Variants in ADAMTSL1 observed in about 807,000 individuals in gnomAD.
The protein encoded by ADAMTSL1 is ADAMTS-like protein 1.
ADAMTSL1 carries 126 observed loss-of-function variants against 201.8 expected under a neutral mutation model. The ratio of observed to expected loss-of-function variants is 0.62; its 90% confidence interval spans 0.54 to 0.72. The LOEUF is 0.72. Ranked by LOEUF, ADAMTSL1 falls within the 30% of genes least tolerant of loss-of-function variation. The pLI is 0.00. For missense variants in ADAMTSL1, 2,679 were observed against 2,277.8 expected, an observed-to-expected ratio of 1.18 and a Z score of -3.59; for synonymous variants, 1,121 against 903.4, an observed-to-expected ratio of 1.24 and a Z score of -4.32.
chr9:18,621,389 T>G (rs555899841), intron 4 of ADAMTSL1, among the ~76,000 whole-genome samples: 1 of 152,172 alleles, frequency 6.6e-6, no homozygotes, highest in Non-Finnish European at 1.5e-5. Context: ...CTAAGTGACC[T>G]TGGGTAAGAC....
intron 2 of ADAMTSL1, among the ~76,000 whole-genome samples, chr9:18,173,557 C>G (rs1306235768): frequency 6.6e-6 from 1 of 152,072 alleles, no homozygotes; most frequent in Admixed American, 6.6e-5. Context: ...CAGCCCCTAT[C>G]TTTTATTTAT....
At chr9:18,469,694 C>T (rs913110521), upstream of ADAMTSL1, among the ~76,000 whole-genome samples, 1 of 152,244 alleles carries the variant, frequency 6.6e-6, no homozygotes, top group African/African-American at 2.4e-5. Flanking sequence ...CCTCTTGACA[C>T]CTGCAAACAT....
In ADAMTSL1 at chr9:18,068,163, C is replaced by G. The variant is rs368375194; in HGVS notation, c.88-95699C>G. ...CAGTAAAGGGCTGGCCCACCCCACC[C>G]TTAGAAATGGACTGTTTATTAAGAT... On this transcript the variant is annotated intron_variant, in intron 1 of 29. Coordinates refer to the ADAMTSL1 transcript ENST00000680146. Among the ~76,000 whole-genome samples the G allele has an allele frequency of 1.6e-3, 243 of 152,206 alleles. 7 individuals are homozygous for G. The South Asian group carries it at 0.05, about 31-fold the overall frequency.
chr9:18,235,374 G>A (rs998932319), intron 2 of ADAMTSL1, among the ~76,000 whole-genome samples: 2 of 152,092 alleles, frequency 1.3e-5, no homozygotes, highest in Non-Finnish European at 2.9e-5. Context: ...CTATCAATAC[G>A]ACTCATCATA....
intron 3 of ADAMTSL1, among the ~76,000 whole-genome samples, chr9:18,534,385 G>A (rs1004322855): frequency 1.3e-5 from 2 of 152,066 alleles, no homozygotes; most frequent in South Asian, 2.1e-4. Flanking sequence ...AGAAGAAGAA[G>A]GAGGAGAACT....
chr9:18,886,077 A>G (rs1828833780), intron 23 of ADAMTSL1, among the ~76,000 whole-genome samples: 1 of 150,930 alleles, frequency 6.6e-6, no homozygotes, highest in African/African-American at 2.4e-5. Flanking sequence ...ACTTGAGGCC[A>G]GGAGTTCAAG....
chr9:18,642,165 G>T (rs1827485526), intron 7 of ADAMTSL1, among the ~76,000 whole-genome samples: 1 of 151,922 alleles, frequency 6.6e-6, no homozygotes, highest in African/African-American at 2.4e-5. Context: ...ATGACTATCT[G>T]GGTCTTCACA....
intron 14 of ADAMTSL1, among the ~76,000 whole-genome samples, chr9:18,711,067 T>C (rs1473355889): frequency 6.6e-6 from 1 of 152,158 alleles, no homozygotes; most frequent in Non-Finnish European, 1.5e-5. Context: ...CAATTCACAG[T>C]GATGATCTAC....
rs865881966 is a variant in ADAMTSL1, at chr9:18,400,481, T to C, written c.208-104348T>C. Among the ~76,000 whole-genome samples the C allele has an allele frequency of 3.3e-5, 5 of 152,348 alleles. No homozygotes were observed. The Middle Eastern group carries it at 0.014, about 415-fold the overall frequency. ...ACTATGTTTCGTTCATAATACGCTC[T>C]AACAGAATACTTGCCATTTATAGTA... On this transcript the variant is annotated intron_variant, in intron 2 of 29. Transcript: ENST00000680146.
intron 2 of ADAMTSL1, among the ~76,000 whole-genome samples, chr9:18,205,778 G>C (rs112124984): frequency 0.019 from 2,908 of 152,124 alleles, 96 homozygotes; most frequent in African/African-American, 0.065. Flanking sequence ...GTACGGCCAG[G>C]CACGGTGGCT....
Position 18,777,767 on chromosome 9 carries a change from G to C in ADAMTSL1, c.3538G>C (p.Glu1180Gln), listed in dbSNP as rs1484985887. The change falls in exon 19 of 29, where the codon GAG (glutamate) becomes CAG (glutamine). Residue 1180 changes from glutamate (E) to glutamine (Q), a missense_variant. Physicochemically the swap from Glu to Gln is conservative, Grantham distance 29. Transcript: ENST00000380548. Reference sequence around the variant, plus strand: ...AGCGGCCCAGCAGCTCTCAGCCTCGGAGGTGGTCACCCACCTGGGGCAGAC... The same window carrying C: ...AGCGGCCCAGCAGCTCTCAGCCTCGCAGGTGGTCACCCACCTGGGGCAGAC... ...ISAAQQLSAS[E>Q]VVTHLGQTVA... The C allele has an allele frequency of 6.2e-7, 1 of 1,613,784 alleles. No individual in the cohort carries two copies. The highest frequency in any genetic ancestry group is 8.5e-7 in the Non-Finnish European group (1 of 1,179,862).
chr9:18,105,698 T>A (rs752926617), intron 1 of ADAMTSL1, among the ~76,000 whole-genome samples: 1 of 152,206 alleles, frequency 6.6e-6, no homozygotes, highest in Non-Finnish European at 1.5e-5. Context: ...GCTGTTTCCA[T>A]GGCGAAGATG....
chr9:18,183,136 A>G (rs1372327393), intron 2 of ADAMTSL1, among the ~76,000 whole-genome samples: 1 of 152,206 alleles, frequency 6.6e-6, no homozygotes, highest in Non-Finnish European at 1.5e-5. Context: ...TGAAGTAAAG[A>G]CAGTCTTTCA....
At chr9:18,647,378 C>G (rs1027632967) in intron 7 of ADAMTSL1, among the ~76,000 whole-genome samples, 1 of 139,530 alleles carries the variant, frequency 7.2e-6, no homozygotes, top group Non-Finnish European at 1.6e-5. Flanking sequence ...TTTTTTTCCC[C>G]CATTTCCTTC....
intron 2 of ADAMTSL1, among the ~76,000 whole-genome samples, chr9:18,171,408 T>C (rs1209580822): frequency 6.6e-6 from 1 of 151,976 alleles, no homozygotes; most frequent in Non-Finnish European, 1.5e-5. Context: ...TAAAAGAAAA[T>C]ATTATACTTT....
chr9:18,538,023 G>A (rs898278067), intron 3 of ADAMTSL1, among the ~76,000 whole-genome samples: 1 of 151,964 alleles, frequency 6.6e-6, no homozygotes, highest in African/African-American at 2.4e-5. Context: ...GGAGGAGAAG[G>A]AGGAAGCTCC....
At chr9:17,986,581 G>T (rs1283188904) in intron 1 of ADAMTSL1, among the ~76,000 whole-genome samples, 2 of 152,060 alleles carry the variant, frequency 1.3e-5, no homozygotes, top group Non-Finnish European at 2.9e-5. Context: ...ACATGCTCAA[G>T]TTAAGATTAT....
At chr9:18,476,334 G>A (rs1220521054) in intron 1 of ADAMTSL1, among the ~76,000 whole-genome samples, 1 of 152,078 alleles carries the variant, frequency 6.6e-6, no homozygotes, top group Non-Finnish European at 1.5e-5. Flanking sequence ...GAACCCAAAG[G>A]TCAAATAATG....
intron 20 of ADAMTSL1, among the ~76,000 whole-genome samples, chr9:18,816,678 T>C (rs1413913858): frequency 6.7e-6 from 1 of 149,712 alleles, no homozygotes; most frequent in Non-Finnish European, 1.5e-5. Context: ...ATCATCTCAA[T>C]TTGTATAACA....
Sources: allele counts gnomAD v4.1 joint callset (sites outside exome capture counted in the v4.1 genomes callset), GRCh38; gene constraint gnomAD v4.1.1; transcripts MANE v1.5; gene names NCBI Gene and HGNC (gene_info 2026-07-23, HGNC 2026-07-21).